The following UST variants were observed in gnomAD, a reference collection of about 807,000 sequenced individuals.
UST encodes the protein chondroitin sulfate 2-O-sulfotransferase.
A neutral mutation model predicts 45.6 loss-of-function variants in UST; 21 were observed. That is an observed-to-expected ratio of 0.46 (90% CI 0.33 to 0.66). UST has a LOEUF of 0.66. Ranked by LOEUF, UST falls within the 30% of genes least tolerant of loss-of-function variation. The pLI is 0.02. For missense variants in UST, 463 were observed against 512.4 expected (o/e 0.90, Z 0.93); for synonymous variants, 215 against 200.6 (o/e 1.07, Z -0.61).
intron 5 of UST, among the ~76,000 whole-genome samples, chr6:148,981,452 C>A (rs1223315558): frequency 6.6e-6 from 1 of 152,176 alleles, no homozygotes; most frequent in Non-Finnish European, 1.5e-5. Flanking sequence ...TTAGTCCTTC[C>A]CAGCCTGACT....
At chr6:148,777,272 C>T (rs1776552531) in intron 1 of UST, among the ~76,000 whole-genome samples, 1 of 152,206 alleles carries the variant, frequency 6.6e-6, no homozygotes, top group Non-Finnish European at 1.5e-5. Context: ...TTGTGTTCTA[C>T]ATAAGCAAGC....
chr6:148,851,057 A>AGGGC (rs1260086965), intron 1 of UST, among the ~76,000 whole-genome samples: 1 of 152,182 alleles, frequency 6.6e-6, no homozygotes, highest in Non-Finnish European at 1.5e-5. Context: ...CTGATGGCTC[A>AGGGC]GGGCTTCCTG....
rs545932663 is a variant in UST at position 148,921,879 on chromosome 6, C to T, written c.292-19400C>T. 3.9e-5 allele frequency among the ~76,000 whole-genome samples: 6 copies of T among 152,238 alleles called. 1 individual carries two copies. The South Asian group carries it at 1.2e-3, about 32-fold the overall frequency. The stretch of plus-strand genomic sequence containing the variant: ...ATGCCCCACTCTTCCACCCTGTGCC[C>T]CAGCCATGTGATACATCTCTACCCA... On this transcript the variant is annotated intron_variant, in intron 2 of 7. Coordinates refer to ENST00000367463, the MANE Select transcript of UST (RefSeq NM_005715.3).
rs879573601 is a variant in UST, at chr6:148,748,278, G to A, written c.247+601G>A. 4.6e-5 allele frequency among the ~76,000 whole-genome samples: 7 copies of A among 152,158 alleles called. No homozygotes were observed. The highest frequency in any genetic ancestry group is 1.7e-4 in the African/African-American group (7 of 41,450). On this transcript the variant is annotated intron_variant, in intron 1 of 7. Transcript: ENST00000367463. This position sits in a 1 kb window ranked among gnomAD's most constrained non-coding sequence, Gnocchi z 5.3. ...CCGCCCGCAGCTAGCCTGGCGCGGG[G>A]AACGGGTTGCATCCAGGGGTTTGGG...
At chr6:148,833,478 C>A (rs550144702) in intron 1 of UST, among the ~76,000 whole-genome samples, 1 of 152,170 alleles carries the variant, frequency 6.6e-6, no homozygotes, top group East Asian at 1.9e-4. Flanking sequence ...AAGAGAGAGA[C>A]CCTATCTGAA....
intron 5 of UST, among the ~76,000 whole-genome samples, chr6:148,982,512 T>G (rs1266506159): frequency 6.6e-6 from 1 of 152,178 alleles, no homozygotes; most frequent in Non-Finnish European, 1.5e-5. Flanking sequence ...ACACCTGAGT[T>G]CTGGAGTGAC....
chr6:148,777,325 T>A (rs993354695), intron 1 of UST, among the ~76,000 whole-genome samples: 1 of 152,224 alleles, frequency 6.6e-6, no homozygotes, highest in Non-Finnish European at 1.5e-5. Context: ...TTAATTGAAT[T>A]ATGCAATTTT....
At chr6:149,048,266 G>A (rs540772362) in intron 7 of UST, among the ~76,000 whole-genome samples, 118 of 152,016 alleles carry the variant, frequency 7.8e-4, no homozygotes, top group Non-Finnish European at 1.4e-3. Context: ...GTAAAGGGCT[G>A]GCATGGTGGC....
At chr6:149,038,875 G>A (rs1043306136) in intron 7 of UST, among the ~76,000 whole-genome samples, 1 of 152,178 alleles carries the variant, frequency 6.6e-6, no homozygotes, top group African/African-American at 2.4e-5. Context: ...GTGATGCAAT[G>A]AAATATAGTG....
At chr6:148,957,621 A>G (rs6570916) in intron 4 of UST, among the ~76,000 whole-genome samples, 21,955 of 152,182 alleles carry the variant, frequency 0.14, 1,711 homozygotes, top group East Asian at 0.24. Flanking sequence ...TTTAGTGGAG[A>G]CAGGGTTTCA....
intron 1 of UST, among the ~76,000 whole-genome samples, chr6:148,856,681 C>T (rs182512767): frequency 9.2e-5 from 14 of 152,094 alleles, no homozygotes; most frequent in Admixed American, 2.0e-4. Flanking sequence ...CGTGTTTATG[C>T]GTGAGTTATT....
intron 1 of UST, among the ~76,000 whole-genome samples, chr6:148,795,838 C>T (rs940826803): frequency 2.6e-5 from 4 of 152,112 alleles, no homozygotes; most frequent in Non-Finnish European, 5.9e-5. Context: ...TTTGCCGATT[C>T]ATTACGGGCT....
At chr6:148,921,186 TG>T (rs1222444807) in intron 2 of UST, among the ~76,000 whole-genome samples, 1 of 152,220 alleles carries the variant, frequency 6.6e-6, no homozygotes, top group African/African-American at 2.4e-5. Flanking sequence ...CCAGAGTCCC[TG>T]GGCTGAGCTT....
intron 5 of UST, among the ~76,000 whole-genome samples, chr6:149,007,859 G>T (rs1249129133): frequency 6.6e-6 from 1 of 152,104 alleles, no homozygotes; most frequent in Non-Finnish European, 1.5e-5. Flanking sequence ...TTACATTTTT[G>T]TATTTCATTT....
chr6:148,964,301 G>T, intron 4 of UST, 109 bp from the exon 5 acceptor site: 2 of 1,325,102 alleles, frequency 1.5e-6, no homozygotes, highest in South Asian at 1.4e-5. Context: ...CTTAGCATAG[G>T]AGGTCATCTT....
At chr6:148,849,103 C>T (rs1382674624) in intron 1 of UST, among the ~76,000 whole-genome samples, 4 of 152,094 alleles carry the variant, frequency 2.6e-5, no homozygotes, top group East Asian at 1.9e-4. Context: ...GATGAGTGGG[C>T]GGTGCCTGCT....
In UST at chr6:148,944,912, A is replaced by G. The variant is rs115135746; in HGVS notation, c.447+3478A>G. Among the ~76,000 whole-genome samples the G allele has an allele frequency of 6.3e-3, 957 of 152,318 alleles. 10 individuals carry two copies. Among genetic ancestry groups the G allele is most frequent in the African/African-American group, 0.022 (913 of 41,582 alleles). ...TAGGGAATTTTTTTCCCCAGAAGAC[A>G]TGGCATGTGATTGCCAAAAAAACAC... On this transcript the variant is annotated intron_variant, in intron 3 of 7. Transcript: ENST00000367463.
intron 1 of UST, among the ~76,000 whole-genome samples, chr6:148,752,765 T>G (rs1458332482): frequency 6.6e-6 from 1 of 152,212 alleles, no homozygotes; most frequent in Non-Finnish European, 1.5e-5. Flanking sequence ...AGAGGGAGAC[T>G]GAAGGAGCAA....
chr6:148,753,376 A>G (rs141365289), intron 1 of UST, among the ~76,000 whole-genome samples: 318 of 152,336 alleles, frequency 2.1e-3, no homozygotes, highest in African/African-American at 7.0e-3. Context: ...TAGAAATAGA[A>G]TAATATAATA....
Sources: allele counts gnomAD v4.1 joint callset (sites outside exome capture counted in the v4.1 genomes callset), GRCh38; gene constraint gnomAD v4.1.1; non-coding constraint Gnocchi (gnomAD v3.1); transcripts MANE v1.5; gene names NCBI Gene and HGNC (gene_info 2026-07-23, HGNC 2026-07-21).